LYSMD4: variants seen among roughly 807,000 people sequenced by gnomAD.
LYSMD4 encodes the protein LysM domain containing 4, also known as lysM and putative peptidoglycan-binding domain-containing protein 4.
LYSMD4 carries 9 observed loss-of-function variants against 6.1 expected under a neutral mutation model. The observed-to-expected ratio is 1.47, with a 90% CI of 0.88 to 2.56. LYSMD4 has a LOEUF of 2.56. Among genes scored for constraint, LYSMD4 ranks in the 30% most tolerant of loss-of-function variants. LYSMD4 has a pLI of 0.00. For synonymous variants in LYSMD4, 143 were observed against 148.5 expected (o/e 0.96, Z 0.27); for missense variants, 384 against 373.5 (o/e 1.03, Z -0.23).
rs757147236 is a variant in LYSMD4 at position 99,731,790 on chromosome 15, G to A, written c.210C>T (p.Asp70=). Residue 70 remains aspartate, a synonymous_variant, in exon 2 of 3, where the codon GAC becomes GAT. Transcript: ENST00000684762. The part of the protein sequence containing the change: ...VHQPPQAGAG[D]VVLLQRELAQ... ...CCAGCTCCCGCTGCAGCAGCACCAC[G>A]TCACCTGCTCCCGCCTGGGGAGGCT... 3.1e-6 allele frequency: 5 copies of A among 1,611,934 alleles called. No homozygotes were observed. In the South Asian group the frequency reaches 3.3e-5, roughly 11 times the overall value.
Position 99,731,814 on chromosome 15 carries a change from CTGG to C in LYSMD4, c.183_185del (p.His61del), listed in dbSNP as rs1210640246. On this transcript the variant is annotated inframe_deletion, in exon 2 of 3. Transcript: ENST00000684762. ...CGTCACCTGCTCCCGCCTGGGGAGGCTGGTGGACACCGCTCTTGTGGCGCTCCT... is the reference window on the plus strand; with the variant it reads ...CGTCACCTGCTCCCGCCTGGGGAGGCTGGACACCGCTCTTGTGGCGCTCCT... 6.2e-7 allele frequency: 1 copy of C among 1,612,672 alleles called. No individual in the cohort carries two copies. Among genetic ancestry groups the C allele is most frequent in the South Asian group, 1.1e-5 (1 of 91,032 alleles).
At chr15:99,722,722 A>G (rs2059246597), downstream of LYSMD4, among the ~76,000 whole-genome samples, 1 of 152,186 alleles carries the variant, frequency 6.6e-6, no homozygotes, top group African/African-American at 2.4e-5. Flanking sequence ...ACCTTTAGAG[A>G]TTAAAAAGAC....
At chr15:99,718,696 C>T (rs2153867499), upstream of LYSMD4, among the ~76,000 whole-genome samples, 1 of 152,256 alleles carries the variant, frequency 6.6e-6, no homozygotes, top group South Asian at 2.1e-4. Flanking sequence ...TGAGTCTGTC[C>T]ACACCCTTAG....
chr15:99,733,112 G>A (rs959108243), intron 1 of LYSMD4: 5 of 364,794 alleles, frequency 1.4e-5, no homozygotes, highest in Non-Finnish European at 4.9e-6. Context: ...CTCCACGGGC[G>A]GGGCCCTAAC....
At position 99,729,028 on chromosome 15, in the gene LYSMD4, A is replaced by C; in HGVS notation, c.*95T>G. The C allele has an allele frequency of 6.6e-7, 1 of 1,520,382 alleles. No individual in the cohort carries two copies. Among genetic ancestry groups the C allele is most frequent in the Non-Finnish European group, 8.9e-7 (1 of 1,122,300 alleles). 94.2% of individuals were successfully genotyped at this position (1,520,382 alleles called of 1,614,324 possible). On this transcript the variant is annotated 3_prime_UTR_variant, in exon 3 of 3. Coordinates refer to ENST00000684762, the MANE Select transcript of LYSMD4 (RefSeq NM_001284417.2). Reference sequence around the variant, plus strand: ...CTGAAAAGTGTCCATCCTTCCCCGGAAGCAAAATGCAGCACCCCTAGGACA... The same window carrying C: ...CTGAAAAGTGTCCATCCTTCCCCGGCAGCAAAATGCAGCACCCCTAGGACA...
upstream of LYSMD4, among the ~76,000 whole-genome samples, chr15:99,718,603 A>G (rs2059212806): frequency 6.6e-6 from 1 of 152,160 alleles, no homozygotes; most frequent in Non-Finnish European, 1.5e-5. Context: ...CCTGTGGGCT[A>G]TAATCCTGTC....
At chr15:99,725,560 A>C (rs1423185885), downstream of LYSMD4, among the ~76,000 whole-genome samples, 1 of 152,166 alleles carries the variant, frequency 6.6e-6, no homozygotes, top group Non-Finnish European at 1.5e-5. Flanking sequence ...TCACCCCAAC[A>C]CAAGGGGCCT....
In LYSMD4 at chr15:99,716,351, G is replaced by A. The variant is rs550221391; in HGVS notation, c.*51C>T. ...AATAAGTTAATCTCAATTTTTCCCTGAATGTGTTGTTTTTCTTCATTATAC... is the reference window on the plus strand; with the variant it reads ...AATAAGTTAATCTCAATTTTTCCCTAAATGTGTTGTTTTTCTTCATTATAC... On this transcript the variant is annotated 3_prime_UTR_variant, in exon 1 of 1. Coordinates refer to the LYSMD4 transcript ENST00000378904. The A allele has an allele frequency of 5.3e-4, 186 of 352,814 alleles. 1 individual carries two copies. Among genetic ancestry groups the A allele is most frequent in the South Asian group, 1.9e-3 (87 of 46,322 alleles). The allele number at this position is 352,814 out of a possible 1,614,324, so 21.9% of individuals were successfully genotyped here.
chr15:99,732,062 G>A (rs1400838649), intron 1 of LYSMD4, 55 bp from the exon 2 acceptor site: 6 of 1,478,592 alleles, frequency 4.1e-6, no homozygotes, highest in Middle Eastern at 2.0e-4. Flanking sequence ...TCCCTCCACC[G>A]CCTCGTTTAA....
chr15:99,731,488 G>A (rs2059409978), intron 2 of LYSMD4: 2 of 1,591,738 alleles, frequency 1.3e-6, no homozygotes, highest in African/African-American at 2.7e-5. Context: ...GAAGTTCCCT[G>A]CAGAGAAAGA....
At chr15:99,731,306 T>C in intron 2 of LYSMD4, 1 of 1,600,876 alleles carries the variant, frequency 6.2e-7, no homozygotes, top group Admixed American at 1.8e-5. Context: ...TCAAGTAAGC[T>C]ACCACCAAGA....
rs2059345079 is a variant in LYSMD4 at position 99,729,364 on chromosome 15, T to C, written c.650A>G (p.Gln217Arg). 6.2e-7 allele frequency: 1 copy of C among 1,614,218 alleles called. No homozygotes were observed. Among genetic ancestry groups the C allele is most frequent in the African/African-American group, 1.3e-5 (1 of 75,056 alleles). ...TPMDGADCGI[Q>R]WWNAVFIMLL... ...CATGATGAAAACAGCATTCCACCAC[T>C]GAATGCCACAATCTGCACCATCCAT... The change falls in exon 3 of 3, where the codon CAG becomes CGG. Residue 217 changes from glutamine to arginine, a missense_variant. Coordinates refer to ENST00000684762, the MANE Select transcript of LYSMD4 (RefSeq NM_001284417.2).
intron 1 of LYSMD4, among the ~76,000 whole-genome samples, chr15:99,732,733 G>A (rs1406346954): frequency 6.6e-6 from 1 of 152,258 alleles, no homozygotes; most frequent in Admixed American, 6.5e-5. Context: ...CAAACACGCG[G>A]GCTGACAACT....
At chr15:99,732,978 A>C in intron 1 of LYSMD4, 1 of 181,204 alleles carries the variant, frequency 5.5e-6, no homozygotes, top group Non-Finnish European at 1.1e-5. Flanking sequence ...TTCGCGTCCG[A>C]GCTCAGGGGC....
At chr15:99,731,396 G>A in intron 2 of LYSMD4, 1 of 1,613,168 alleles carries the variant, frequency 6.2e-7, no homozygotes, top group Non-Finnish European at 8.5e-7. Context: ...GGTATCTCCA[G>A]CCCCATTAGG....
At chr15:99,725,388 T>C (rs2059270112), downstream of LYSMD4, among the ~76,000 whole-genome samples, 2 of 152,220 alleles carry the variant, frequency 1.3e-5, no homozygotes, top group Admixed American at 1.3e-4. Flanking sequence ...TGTTTCTTTG[T>C]TGGATTACCA....
chr15:99,730,485 C>A (rs1412611088), intron 2 of LYSMD4, among the ~76,000 whole-genome samples: 1 of 152,216 alleles, frequency 6.6e-6, no homozygotes, highest in Non-Finnish European at 1.5e-5. Context: ...TGAAAACTTT[C>A]CAAAAGCATC....
In LYSMD4 at chr15:99,729,408, C is replaced by T. The variant is rs11852387; in HGVS notation, c.606G>A (p.Pro202=). 0.048 allele frequency: 77,804 copies of T among 1,614,094 alleles called. 3,232 individuals are homozygous for T. Among genetic ancestry groups the T allele is most frequent in the African/African-American group, 0.22 (16,388 of 75,014 alleles). Residue 202 remains proline (P), a synonymous_variant, in exon 3 of 3, where the codon CCG becomes CCA. Coordinates refer to ENST00000684762, the MANE Select transcript of LYSMD4 (RefSeq NM_001284417.2). The part of the protein sequence containing the change: ...CMDTSHQPLL[P]APPKTPMDGA... ...CATCCATAGGCGTCTTCGGAGGTGC[C>T]GGGAGCAGTGGCTGATGGGAGGTGT...
In LYSMD4 at chr15:99,728,975, A is replaced by T; in HGVS notation, c.*148T>A. On this transcript the variant is annotated 3_prime_UTR_variant, in exon 3 of 3. Transcript: ENST00000684762. Reference sequence around the variant, plus strand: ...ACTGGGTAAGGCCATGCCCAGGGCCAGTGCAATTGGGAATACTGCAGTGAC... The same window carrying T: ...ACTGGGTAAGGCCATGCCCAGGGCCTGTGCAATTGGGAATACTGCAGTGAC... 1 of 1,098,886 alleles carries T rather than the reference A, an allele frequency of 9.1e-7. No homozygotes were observed. Among genetic ancestry groups the T allele is most frequent in the Non-Finnish European group, 1.3e-6 (1 of 760,256 alleles). The allele number at this position is 1,098,886 out of a possible 1,614,324, so 68.1% of individuals were successfully genotyped here.
Sources: gnomAD v4.1 joint callset for allele counts (sites outside exome capture counted in the v4.1 genomes callset) on GRCh38, gnomAD v4.1.1 for gene constraint, MANE v1.5 for transcripts, NCBI Gene and HGNC (gene_info 2026-07-23, HGNC 2026-07-21) for gene names.